Variants in KIAA1549 observed in about 807,000 individuals in gnomAD.
KIAA1549 encodes UPF0606 protein KIAA1549.
A neutral mutation model predicts 156.4 loss-of-function variants in KIAA1549; 70 were observed. The ratio of observed to expected loss-of-function variants is 0.45; its 90% CI spans 0.37 to 0.55. The LOEUF (loss-of-function observed/expected upper bound fraction) is 0.55. Among genes scored for constraint, KIAA1549 ranks in the 20% least tolerant of loss-of-function variants. The pLI is 0.00. For synonymous variants in KIAA1549, 1,103 were observed against 1,066.4 expected, an observed-to-expected ratio of 1.03 and a Z score of -0.67; for missense variants, 2,428 against 2,540.9, an observed-to-expected ratio of 0.96 and a Z score of 0.96.
rs369300723 is a variant in KIAA1549, at chr7:138,861,878, T to A, written c.4930-422A>T. The stretch of plus-strand genomic sequence containing the variant: ...AGAGTGAGACCTTGTCTCAAAAAAA[T>A]AAAAAAATGACAGCTGAGGAATGTG... On this transcript the variant is annotated intron_variant, in intron 15 of 19. Coordinates refer to ENST00000422774, the MANE Select transcript of KIAA1549 (RefSeq NM_001164665.2). Among the ~76,000 whole-genome samples the A allele has an allele frequency of 4.3e-3, 647 of 151,410 alleles. 9 individuals carry two copies. Among genetic ancestry groups the A allele is most frequent in the African/African-American group, 0.014 (596 of 41,212 alleles).
intron 1 of KIAA1549, among the ~76,000 whole-genome samples, chr7:138,950,719 G>C (rs1041092309): frequency 3.3e-5 from 5 of 152,116 alleles, no homozygotes; most frequent in Non-Finnish European, 7.4e-5. Flanking sequence ...CGCCAGCTCT[G>C]GCCCAATCCT....
At chr7:138,852,373 A>T in intron 16 of KIAA1549, 104 bp from the exon 17 acceptor site, 1 of 763,478 alleles carries the variant, frequency 1.3e-6, no homozygotes, top group Non-Finnish European at 2.0e-6. Context: ...CTTTCAAGAG[A>T]ATTATTTTCT....
intron 1 of KIAA1549, among the ~76,000 whole-genome samples, chr7:138,972,359 C>G (rs1814245264): frequency 6.9e-6 from 1 of 144,536 alleles, no homozygotes; most frequent in South Asian, 2.3e-4. Context: ...ACCCCAATCC[C>G]TCCCGCCCTC....
intron 1 of KIAA1549, among the ~76,000 whole-genome samples, chr7:138,963,023 G>A (rs372203202): frequency 2.0e-5 from 3 of 152,174 alleles, no homozygotes; most frequent in Non-Finnish European, 2.9e-5. Flanking sequence ...CCTTGTAGAC[G>A]GAGTTGCTAG....
Position 138,836,048 on chromosome 7 carries a change from A to T in KIAA1549, c.*1858T>A, listed in dbSNP as rs1809697309. ...AACATGGTTTTGAAATCCAGTGATT[A>T]CACTTTGGAAACCTGTTTTAGCTGT... On this transcript the variant is annotated 3_prime_UTR_variant, in exon 20 of 20. Coordinates refer to ENST00000422774, the MANE Select transcript of KIAA1549 (RefSeq NM_001164665.2). The T allele has an allele frequency of 9.4e-6, 2 of 212,328 alleles. No individual in the cohort carries two copies. Among genetic ancestry groups the T allele is most frequent in the Admixed American group, 1.2e-4 (2 of 16,988 alleles). 13.2% of individuals were successfully genotyped at this position (212,328 alleles called of 1,614,324 possible).
In KIAA1549 at chr7:138,876,241, T is replaced by G. The variant is rs568850025; in HGVS notation, c.4345+3297A>C. The G allele has an allele frequency of 2.6e-5, 4 of 152,336 alleles. No individual in the cohort carries two copies. In the South Asian group the frequency reaches 8.3e-4, roughly 32 times the overall value. The allele number at this position is 152,336 out of a possible 1,614,324, so 9.4% of individuals were successfully genotyped here. A position where few individuals can be genotyped will look rare whatever the true frequency, so the allele number is the denominator to read the frequency against. ...TGCCTTCATGAAAAGATAAGAATTC[T>G]ACTTTATGATCTCAATCATTTTATA... On this transcript the variant is annotated intron_variant, in intron 12 of 19. Coordinates refer to ENST00000422774, the MANE Select transcript of KIAA1549 (RefSeq NM_001164665.2).
At chr7:138,897,892 CAAAAAAAAAAA>C (rs59242488) in intron 9 of KIAA1549, among the ~76,000 whole-genome samples, 128 of 27,494 alleles carry the variant, frequency 4.7e-3, no homozygotes, top group South Asian at 0.016. Context: ...GACCCTTTCT[CAAAAAAAAAAA>C]AAAAAAAAAA....
At chr7:138,972,105 G>A (rs1032376176) in intron 1 of KIAA1549, among the ~76,000 whole-genome samples, 2 of 151,986 alleles carry the variant, frequency 1.3e-5, no homozygotes, top group African/African-American at 4.8e-5. Context: ...CATTCAAGAC[G>A]GACTTCCTCC....
Position 138,904,477 on chromosome 7 carries a change from T to A in KIAA1549, c.3520+545A>T, listed in dbSNP as rs561738754. Among the ~76,000 whole-genome samples the A allele has an allele frequency of 2.7e-3, 416 of 152,288 alleles. 3 individuals carry two copies. The highest frequency in any genetic ancestry group is 8.9e-3 in the African/African-American group (370 of 41,552). ...GCAACTATCACTACCCCACATGCTC[T>A]CTCGTGCCCAGCTAGTTCCTGTGCT... On this transcript the variant is annotated intron_variant, in intron 7 of 19. Coordinates refer to ENST00000422774, the MANE Select transcript of KIAA1549 (RefSeq NM_001164665.2).
intron 1 of KIAA1549, among the ~76,000 whole-genome samples, chr7:138,949,743 C>T (rs750427943): frequency 2.1e-4 from 32 of 152,160 alleles, no homozygotes; most frequent in Non-Finnish European, 4.4e-4. Flanking sequence ...GACTGCAGAC[C>T]CCAGGAGTGC....
chr7:138,909,871 C>A (rs957160658), intron 4 of KIAA1549, among the ~76,000 whole-genome samples: 2 of 151,852 alleles, frequency 1.3e-5, no homozygotes, highest in African/African-American at 4.8e-5. Flanking sequence ...TGCCTGAGCC[C>A]GGGAGGCAAA....
At chr7:138,841,226 T>C (rs1809907491) in intron 18 of KIAA1549, among the ~76,000 whole-genome samples, 2 of 152,214 alleles carry the variant, frequency 1.3e-5, no homozygotes, top group Non-Finnish European at 2.9e-5. Context: ...CACAAGGAGC[T>C]GGTTATACAA....
chr7:138,903,633 C>A lies in KIAA1549; in HGVS notation c.3624G>T (p.Arg1208=), dbSNP rs975689195. The A allele has an allele frequency of 6.2e-6, 10 of 1,613,514 alleles. No individual in the cohort carries two copies. Among genetic ancestry groups the A allele is most frequent in the African/African-American group, 1.3e-5 (1 of 74,920 alleles). The change falls in exon 8 of 20, where the codon CGG becomes CGT. Residue 1208 remains arginine, a synonymous_variant. Transcript: ENST00000422774. ...QLLSEVSTRR[R]MWRRATVAAG... ...CAGCTACAGTGGCCCTTCTCCACAT[C>A]CGCCTTCTGGTGGAAACCTCGCTGA... is the stretch of plus-strand genomic sequence containing the variant.
chr7:138,976,975 T>C (rs980022794), intron 1 of KIAA1549, among the ~76,000 whole-genome samples: 3 of 152,222 alleles, frequency 2.0e-5, no homozygotes, highest in Admixed American at 6.5e-5. Flanking sequence ...TTTTGAAACA[T>C]TTAAGTATTT....
Position 138,831,509 on chromosome 7 carries a change from A to T in KIAA1549, c.*6397T>A. 4.6e-6 allele frequency: 1 copy of T among 218,692 alleles called. No homozygotes were observed. The highest frequency in any genetic ancestry group is 9.2e-6 in the Non-Finnish European group (1 of 108,858). 13.5% of individuals were successfully genotyped at this position (218,692 alleles called of 1,614,324 possible). A position where few individuals can be genotyped will look rare whatever the true frequency, so the allele number is the denominator to read the frequency against. On this transcript the variant is annotated 3_prime_UTR_variant, in exon 20 of 20. Coordinates refer to ENST00000422774, the MANE Select transcript of KIAA1549 (RefSeq NM_001164665.2). The stretch of plus-strand genomic sequence containing the variant: ...AAAACTCTACAGCACATTAGAAAAC[A>T]GTGCAGCTATTGAAGGATAGAAACA...
In KIAA1549 at chr7:138,861,402, T is replaced by C; in HGVS notation, c.4984A>G (p.Arg1662Gly). 6.2e-7 allele frequency: 1 copy of C among 1,611,570 alleles called. No homozygotes were observed. The highest frequency in any genetic ancestry group is 1.7e-5 in the Admixed American group (1 of 59,392). ...VQTPSSVELG[R>G]YPALPFPASQ... is the part of the protein sequence containing the mutation. ...GCCGGGAAGGGAAGGGCTGGATACC[T>C]CCCCAGTTCCACCGAGGATGGTGTC... Residue 1662 changes from arginine to glycine, a missense_variant, in exon 16 of 20, where the codon AGG becomes GGG. Physicochemically the swap from Arg to Gly is moderately radical, Grantham distance 125 (BLOSUM62 -2). Coordinates refer to ENST00000422774, the MANE Select transcript of KIAA1549 (RefSeq NM_001164665.2).
At chr7:138,864,975 TC>T (rs1810696134) in intron 15 of KIAA1549, among the ~76,000 whole-genome samples, 1 of 152,186 alleles carries the variant, frequency 6.6e-6, no homozygotes, top group Non-Finnish European at 1.5e-5. Context: ...ATGTCTATAA[TC>T]CCAGAAATGT....
intron 18 of KIAA1549, 99 bp from the exon 19 acceptor site, chr7:138,840,377 C>T: frequency 1.9e-6 from 2 of 1,049,814 alleles, no homozygotes; most frequent in Non-Finnish European, 2.8e-6. Flanking sequence ...CTGACCACTA[C>T]ACTCCTTAAT....
Position 138,909,872 on chromosome 7 carries a change from G to A in KIAA1549, c.3146-751C>T, listed in dbSNP as rs116496849. Among the ~76,000 whole-genome samples the A allele has an allele frequency of 4.3e-3, 647 of 152,090 alleles. 8 individuals are homozygous for A. The highest frequency in any genetic ancestry group is 0.015 in the African/African-American group (623 of 41,484). On this transcript the variant is annotated intron_variant, in intron 4 of 19. Transcript: ENST00000422774. ...TCAGGCAAGAGAATTGCCTGAGCCC[G>A]GGAGGCAAAGGTTGCAGTGAGCAGA...
Sources: gnomAD v4.1 joint callset for allele counts (sites outside exome capture counted in the v4.1 genomes callset) on GRCh38, gnomAD v4.1.1 for gene constraint, MANE v1.5 for transcripts, NCBI Gene and HGNC (gene_info 2026-07-23, HGNC 2026-07-21) for gene names.